Variants in LGR5 observed in about 807,000 individuals in gnomAD.
LGR5 encodes leucine rich repeat containing G protein-coupled receptor 5, also known as leucine-rich repeat-containing G protein-coupled receptor 5.
LGR5 carries 54 observed loss-of-function variants against 76.7 expected under a neutral mutation model. The observed-to-expected ratio is 0.70, with a 90% CI of 0.57 to 0.88. LGR5 has a LOEUF of 0.88. Ranked by LOEUF, LGR5 falls within the 40% of genes least tolerant of loss-of-function variation. The pLI, the probability that LGR5 is intolerant of heterozygous loss-of-function variation, is 0.00. For missense variants in LGR5, 1,078 were observed against 1,073.3 expected (o/e 1.00, Z -0.06); for synonymous variants, 406 against 421.9 (o/e 0.96, Z 0.46).
At chr12:71,552,808 C>T (rs1052335356) in intron 4 of LGR5, among the ~76,000 whole-genome samples, 3 of 152,124 alleles carry the variant, frequency 2.0e-5, no homozygotes, top group Non-Finnish European at 4.4e-5. Flanking sequence ...CCACTTCCAT[C>T]CATGAGAGAA....
At chr12:71,547,355 G>A (rs976538350) in intron 4 of LGR5, among the ~76,000 whole-genome samples, 6 of 150,564 alleles carry the variant, frequency 4.0e-5, no homozygotes, top group Admixed American at 2.0e-4. Context: ...ATGGTAAATA[G>A]AGAAACACCA....
At chr12:71,449,911 G>A (rs1324224394) in intron 1 of LGR5, among the ~76,000 whole-genome samples, 2 of 152,124 alleles carry the variant, frequency 1.3e-5, no homozygotes, top group East Asian at 1.9e-4. Context: ...AAATTTAATC[G>A]TGATTGCTAG....
intron 2 of LGR5, among the ~76,000 whole-genome samples, chr12:71,514,791 G>T (rs1875354476): frequency 6.6e-6 from 1 of 152,114 alleles, no homozygotes; most frequent in Admixed American, 6.5e-5. Flanking sequence ...TTTTTGGCTG[G>T]ATTTGACAAA....
intron 6 of LGR5, among the ~76,000 whole-genome samples, chr12:71,558,647 A>G (rs1246870539): frequency 6.6e-6 from 1 of 152,218 alleles, no homozygotes; most frequent in Non-Finnish European, 1.5e-5. Flanking sequence ...ATTCATGTTT[A>G]ACTCAGTCAA....
intron 1 of LGR5, among the ~76,000 whole-genome samples, chr12:71,477,620 C>T (rs1351667197): frequency 6.6e-6 from 1 of 151,866 alleles, no homozygotes; most frequent in Non-Finnish European, 1.5e-5. Flanking sequence ...AAACTACACC[C>T]TTTTGTATGA....
chr12:71,491,208 T>A (rs1874056343), intron 1 of LGR5, among the ~76,000 whole-genome samples: 1 of 152,162 alleles, frequency 6.6e-6, no homozygotes, highest in South Asian at 2.1e-4. Flanking sequence ...TTACCCAGTC[T>A]TGGGTATTTC....
chr12:71,538,411 G>A (rs1178741701), intron 4 of LGR5, among the ~76,000 whole-genome samples: 3 of 152,336 alleles, frequency 2.0e-5, no homozygotes, highest in African/African-American at 7.2e-5. Flanking sequence ...AGCTACACAT[G>A]AGGCTGAGGT....
intron 4 of LGR5, among the ~76,000 whole-genome samples, chr12:71,538,538 G>A (rs1876717606): frequency 6.6e-6 from 1 of 152,022 alleles, no homozygotes; most frequent in African/African-American, 2.4e-5. Context: ...TGGCTTAATT[G>A]CACAGTTAAG....
chr12:71,527,056 G>A (rs759651236), intron 3 of LGR5, among the ~76,000 whole-genome samples: 2 of 152,076 alleles, frequency 1.3e-5, no homozygotes, highest in Non-Finnish European at 1.5e-5. Flanking sequence ...TGGACATTAT[G>A]AGGAGGCATG....
At chr12:71,562,328 A>C (rs1878103756) in intron 8 of LGR5, among the ~76,000 whole-genome samples, 1 of 152,236 alleles carries the variant, frequency 6.6e-6, no homozygotes, top group Non-Finnish European at 1.5e-5. Flanking sequence ...ATTATGCCCA[A>C]ACATTCACAT....
At chr12:71,513,057 A>G (rs1875243784) in intron 2 of LGR5, among the ~76,000 whole-genome samples, 1 of 152,200 alleles carries the variant, frequency 6.6e-6, no homozygotes, top group Non-Finnish European at 1.5e-5. Context: ...TCCTTCTCCC[A>G]GAATGTCTGG....
intron 1 of LGR5, among the ~76,000 whole-genome samples, chr12:71,488,216 A>G (rs11178832): frequency 0.25 from 37,812 of 152,132 alleles, 6,225 homozygotes; most frequent in African/African-American, 0.47. Context: ...AACATTTTGT[A>G]TTAAATGTAA....
Position 71,583,478 on chromosome 12 carries a change from AG to A in LGR5, c.1637-166del. Reference sequence around the variant, plus strand: ...ACCCAGCCAGTGCTGCAGAAGATCCAGGGTGACAGTGGCTTGAGATAGTGGA... The same window carrying A: ...ACCCAGCCAGTGCTGCAGAAGATCCAGGTGACAGTGGCTTGAGATAGTGGA... On this transcript the variant is annotated intron_variant, in intron 17 of 17. Transcript: ENST00000266674. 4.2e-6 allele frequency: 3 copies of A among 718,368 alleles called. No individual in the cohort carries two copies. The South Asian group carries it at 5.7e-5, about 14-fold the overall frequency. 44.5% of individuals were successfully genotyped at this position (718,368 alleles called of 1,614,324 possible). A position where few individuals can be genotyped will look rare whatever the true frequency, so the allele number is the denominator to read the frequency against.
At chr12:71,476,141 G>C (rs771206729) in intron 1 of LGR5, among the ~76,000 whole-genome samples, 13 of 152,148 alleles carry the variant, frequency 8.5e-5, no homozygotes, top group Non-Finnish European at 1.5e-4. Context: ...AAACCCACCA[G>C]TTCCAGTGGT....
chr12:71,486,323 G>A (rs1218190833), intron 1 of LGR5, among the ~76,000 whole-genome samples: 1 of 152,148 alleles, frequency 6.6e-6, no homozygotes, highest in Non-Finnish European at 1.5e-5. Context: ...GTGTCCTCGA[G>A]TTGTCTGAGC....
Position 71,585,441 on chromosome 12 carries a change from T to G in LGR5, c.*707T>G, listed in dbSNP as rs1406921740. On this transcript the variant is annotated 3_prime_UTR_variant, in exon 18 of 18. Coordinates refer to ENST00000266674, the MANE Select transcript of LGR5 (RefSeq NM_003667.4). ...AAAACTGACCAAAATTCTTAAATTG[T>G]TACTAAGGCAATCATGCACAGGTGA... 2 of 152,252 alleles carry G rather than the reference T, an allele frequency of 1.3e-5. No individual in the cohort carries two copies. Among genetic ancestry groups the G allele is most frequent in the Non-Finnish European group, 2.9e-5 (2 of 68,056 alleles). 9.4% of individuals were successfully genotyped at this position (152,252 alleles called of 1,614,324 possible).
chr12:71,499,560 C>T (rs563462805), intron 1 of LGR5, among the ~76,000 whole-genome samples: 1 of 152,214 alleles, frequency 6.6e-6, no homozygotes, highest in East Asian at 1.9e-4. Flanking sequence ...GGAGTTTGGG[C>T]ATCATTTCCT....
chr12:71,554,083 A>G (rs1304652489), intron 5 of LGR5, among the ~76,000 whole-genome samples: 1 of 152,142 alleles, frequency 6.6e-6, no homozygotes, highest in Non-Finnish European at 1.5e-5. Context: ...CTCTGTCTCA[A>G]AAAAAAAGAA....
intron 1 of LGR5, chr12:71,448,859 T>C (rs746166834): frequency 6.6e-6 from 1 of 152,248 alleles, no homozygotes; most frequent in Admixed American, 6.5e-5. Flanking sequence ...TATTTTGTCT[T>C]TGTACTTCCT....
Sources: gnomAD v4.1 joint callset for allele counts (sites outside exome capture counted in the v4.1 genomes callset) on GRCh38, gnomAD v4.1.1 for gene constraint, MANE v1.5 for transcripts, NCBI Gene and HGNC (gene_info 2026-07-23, HGNC 2026-07-21) for gene names.